The following SPTB variants were observed in gnomAD, a reference collection of about 807,000 sequenced individuals.
SPTB encodes spectrin beta, erythrocytic.
In SPTB, 45 loss-of-function variants were observed where a neutral mutation model predicts 256.2. The ratio of observed to expected loss-of-function variants is 0.18; its 90% CI spans 0.14 to 0.23. The LOEUF (loss-of-function observed/expected upper bound fraction) is 0.23, where lower values mean the gene tolerates loss of function less well. Ranked by LOEUF, SPTB falls within the 10% of genes least tolerant of loss-of-function variation. SPTB has a pLI of 1.00. For synonymous variants in SPTB, 1,231 were observed against 1,243.1 expected, an observed-to-expected ratio of 0.99 and a Z score of 0.21; for missense variants, 2,715 against 3,040.4, an observed-to-expected ratio of 0.89 and a Z score of 2.52.
In SPTB at chr14:64,793,902, G is replaced by A; in HGVS notation, c.1796-35C>T. On this transcript the variant is annotated intron_variant, in intron 13 of 35. Transcript: ENST00000644917. This position sits in a 1 kb window ranked among gnomAD's most constrained non-coding sequence, Gnocchi z 7.0. ...ATAGGGGGAAGGAGGACAAAGTGGGGGATGGGCTTCATTTATGGGCACGCT... is the reference window on the plus strand; with the variant it reads ...ATAGGGGGAAGGAGGACAAAGTGGGAGATGGGCTTCATTTATGGGCACGCT... 1 of 1,576,794 alleles carries A rather than the reference G, an allele frequency of 6.3e-7. No individual in the cohort carries two copies. Among genetic ancestry groups the A allele is most frequent in the Non-Finnish European group, 8.6e-7 (1 of 1,167,184 alleles).
intron 1 of SPTB, among the ~76,000 whole-genome samples, chr14:64,829,357 A>C (rs2083416111): frequency 6.6e-6 from 1 of 152,192 alleles, no homozygotes; most frequent in East Asian, 1.9e-4. Context: ...GACTGCTGTA[A>C]ATCAAGAGAG....
intron 1 of SPTB, among the ~76,000 whole-genome samples, chr14:64,849,183 C>T (rs2083739920): frequency 6.6e-6 from 1 of 152,104 alleles, no homozygotes; most frequent in African/African-American, 2.4e-5. Context: ...GATGCTGTCC[C>T]AAACACCATA....
intron 33 of SPTB, 30 bp from the exon 34 acceptor site, chr14:64,750,184 A>G (rs774155914): frequency 2.5e-6 from 4 of 1,606,434 alleles, no homozygotes; most frequent in Admixed American, 1.7e-5. Flanking sequence ...CAGGTCACCC[A>G]CATCCTGATA....
chr14:64,794,522 T>A lies in SPTB; in HGVS notation c.1740A>T (p.Gln580His), dbSNP rs776683477. The A allele has an allele frequency of 5.6e-6, 9 of 1,614,188 alleles. No individual in the cohort carries two copies. Among genetic ancestry groups the A allele is most frequent in the Non-Finnish European group, 7.6e-6 (9 of 1,180,026 alleles). ...HKLMEADIAI[Q>H]GDKVKAITAA... ...CGGTGATGGCCTTCACTTTGTCCCCTTGGATGGCGATGTCAGCTTCCATCA... is the reference window on the plus strand; with the variant it reads ...CGGTGATGGCCTTCACTTTGTCCCCATGGATGGCGATGTCAGCTTCCATCA... The change falls in exon 13 of 36, where the codon CAA becomes CAT. Residue 580 changes from glutamine (Q) to histidine (H), a missense_variant. Physicochemically the swap from Gln to His is conservative, Grantham distance 24. Around this residue, in one of 4 missense-constraint regions of SPTB, gnomAD observed 2,239 missense variants for 2,384.4 expected, o/e 0.94. Transcript: ENST00000644917.
rs1347803733 is a variant in SPTB at position 64,746,886 on chromosome 14, A to G, written c.*2420T>C. ...TGTCAAAAGACTGTAGAGTAGAATAAGGAGAGAAAAAAAAAAAAAGACCTT... is the reference window on the plus strand; with the variant it reads ...TGTCAAAAGACTGTAGAGTAGAATAGGGAGAGAAAAAAAAAAAAAGACCTT... On this transcript the variant is annotated 3_prime_UTR_variant, in exon 36 of 36. Transcript: ENST00000644917. The surrounding 1 kb of genome is among the most constrained non-coding windows in gnomAD (Gnocchi z 4.9). 6.6e-6 allele frequency: 1 copy of G among 152,218 alleles called. No individual in the cohort carries two copies. The highest frequency in any genetic ancestry group is 1.9e-4 in the East Asian group (1 of 5,184). The allele number at this position is 152,218 out of a possible 1,614,324, so 9.4% of individuals were successfully genotyped here. A position where few individuals can be genotyped will look rare whatever the true frequency, so the allele number is the denominator to read the frequency against.
intron 14 of SPTB, 115 bp from the exon 15 acceptor site, chr14:64,791,971 A>G (rs2082682900): frequency 7.1e-7 from 1 of 1,411,792 alleles, no homozygotes; most frequent in Admixed American, 1.9e-5. Flanking sequence ...TCCACTGCCT[A>G]AACCATTTGC....
chr14:64,811,741 A>G (rs2083094422), intron 2 of SPTB, among the ~76,000 whole-genome samples: 1 of 152,238 alleles, frequency 6.6e-6, no homozygotes, highest in South Asian at 2.1e-4. Flanking sequence ...GTAATTTTCC[A>G]TAATAAAAGC....
intron 33 of SPTB, among the ~76,000 whole-genome samples, chr14:64,753,169 C>T (rs2081975326): frequency 1.3e-5 from 2 of 152,156 alleles, no homozygotes; most frequent in African/African-American, 4.8e-5. Context: ...CTATCCCTAG[C>T]CCTGGGATAA....
chr14:64,791,848 A>G lies in SPTB; in HGVS notation c.2675T>C (p.Ile892Thr). 1 of 1,614,192 alleles carries G rather than the reference A, an allele frequency of 6.2e-7. No individual in the cohort carries two copies. The highest frequency in any genetic ancestry group is 8.5e-7 in the Non-Finnish European group (1 of 1,180,028). ...CAAGGTCTTCATCTCCTGGTCCAGGATGTCGAACCTGATATGGGCAAAGGA... is the reference window on the plus strand; with the variant it reads ...CAAGGTCTTCATCTCCTGGTCCAGGGTGTCGAACCTGATATGGGCAAAGGA... ...DLEVVQHRFD[I>T]LDQEMKTLMT... Residue 892 changes from isoleucine (I) to threonine (T), a missense_variant, in exon 15 of 36, where the codon ATC (isoleucine) becomes ACC (threonine). Around this residue, in one of 4 missense-constraint regions of SPTB, gnomAD observed 2,239 missense variants for 2,384.4 expected, o/e 0.94. Coordinates refer to ENST00000644917, the MANE Select transcript of SPTB (RefSeq NM_001355436.2).
intron 29 of SPTB, chr14:64,768,320 G>A (rs752432119): frequency 1.0e-4 from 24 of 236,792 alleles, no homozygotes; most frequent in Non-Finnish European, 1.6e-4. Context: ...GATTATAGAT[G>A]TTACCCACCA....
At chr14:64,842,414 G>C (rs999663610) in intron 1 of SPTB, among the ~76,000 whole-genome samples, 8 of 152,150 alleles carry the variant, frequency 5.3e-5, no homozygotes, top group African/African-American at 1.4e-4. Context: ...GGCAGTAGGG[G>C]GTAGTGGTTA....
chr14:64,753,880 C>T (rs2081986424), intron 32 of SPTB, 87 bp from the exon 33 acceptor site: 3 of 1,541,606 alleles, frequency 1.9e-6, no homozygotes, highest in Admixed American at 3.5e-5. Context: ...GGTCAGCAGC[C>T]ACCCTCTCCA....
At position 64,767,323 on chromosome 14, in the gene SPTB, C is replaced by T; in HGVS notation, c.6249G>A (p.Glu2083=). The T allele has an allele frequency of 6.2e-7, 1 of 1,614,122 alleles. No individual in the cohort carries two copies. The highest frequency in any genetic ancestry group is 8.5e-7 in the Non-Finnish European group (1 of 1,180,030). ...TLELKERQIA[E]RPAEETGPQE... ...CTCACCCAGTCTCCTCTGCGGGTCT[C>T]TCTGCAATCTGGCGTTCTTTCAGCT... Residue 2083 remains glutamate (E), a synonymous_variant, in exon 31 of 36, where the codon GAG becomes GAA. Coordinates refer to ENST00000644917, the MANE Select transcript of SPTB (RefSeq NM_001355436.2).
rs574995596 is a variant in SPTB at position 64,749,520 on chromosome 14, C to A, written c.6820-47G>T. The A allele has an allele frequency of 8.1e-6, 13 of 1,597,672 alleles. 1 individual carries two copies. The Admixed American group carries it at 1.3e-4, about 16-fold the overall frequency. On this transcript the variant is annotated intron_variant, in intron 35 of 35. Transcript: ENST00000644917. This position sits in a 1 kb window ranked among gnomAD's most constrained non-coding sequence, Gnocchi z 4.7. ...TGGAGTCTGGAGGCCCACAGCCCCC[C>A]ACCTCCCGGGCCAGGCAACAATGGT... is the stretch of plus-strand genomic sequence containing the variant.
At chr14:64,829,264 G>A (rs187801453) in intron 1 of SPTB, among the ~76,000 whole-genome samples, 1 of 152,330 alleles carries the variant, frequency 6.6e-6, no homozygotes, top group African/African-American at 2.4e-5. Flanking sequence ...AACCCAGAAT[G>A]TAGGGCATTC....
Position 64,824,337 on chromosome 14 carries a change from A to C in SPTB, c.-51-1192T>G, listed in dbSNP as rs1406382591. On this transcript the variant is annotated intron_variant, in intron 1 of 35. Transcript: ENST00000644917. This position sits in a 1 kb window ranked among gnomAD's most constrained non-coding sequence, Gnocchi z 5.7. ...TAGGTGTAAAGTCCTGAAGGTAAGA[A>C]AGAACACAGAAAGCTTTGAGAACTT... Among the ~76,000 whole-genome samples the C allele has an allele frequency of 2.0e-5, 3 of 152,182 alleles. No homozygotes were observed. The highest frequency in any genetic ancestry group is 7.2e-5 in the African/African-American group (3 of 41,436).
At position 64,777,298 on chromosome 14, in the gene SPTB, G is replaced by A. The variant is rs954392181; in HGVS notation, c.4563+1859C>T. Among the ~76,000 whole-genome samples the A allele has an allele frequency of 1.3e-5, 2 of 152,186 alleles. No homozygotes were observed. The highest frequency in any genetic ancestry group is 1.3e-4 in the Admixed American group (2 of 15,280). On this transcript the variant is annotated intron_variant, in intron 22 of 35. Transcript: ENST00000644917. The surrounding 1 kb of genome is among the most constrained non-coding windows in gnomAD (Gnocchi z 4.5). ...GAAGGAGGGCAAAGTGAGAAGAGCT[G>A]AGTTTCAGAAGCAGGCAGGGGTCAG... is the stretch of plus-strand genomic sequence containing the variant.
chr14:64,800,129 C>A (rs1451262039), intron 8 of SPTB, among the ~76,000 whole-genome samples, 195 bp from the exon 9 acceptor site: 1 of 152,196 alleles, frequency 6.6e-6, no homozygotes, highest in Non-Finnish European at 1.5e-5. Context: ...TGGGTGAGGC[C>A]CTCCTCTTGC....
At chr14:64,752,635 G>A (rs1305437875) in intron 33 of SPTB, among the ~76,000 whole-genome samples, 1 of 152,214 alleles carries the variant, frequency 6.6e-6, no homozygotes. Context: ...CTGGCACATA[G>A]TAGATGCTCA....
Sources: gnomAD v4.1 joint callset for allele counts (sites outside exome capture counted in the v4.1 genomes callset) on GRCh38, gnomAD v4.1.1 for gene constraint, gnomAD v4.1.1 regional missense constraint, Gnocchi (gnomAD v3.1) non-coding constraint, MANE v1.5 for transcripts, NCBI Gene and HGNC (gene_info 2026-07-23, HGNC 2026-07-21) for gene names.